Variants in UNC13B observed in about 807,000 individuals in gnomAD.
UNC13B encodes the protein unc-13 homolog B.
Under a neutral mutation model 211.0 loss-of-function variants are expected in UNC13B, and 144 were observed. The ratio of observed to expected loss-of-function variants is 0.68; its 90% confidence interval spans 0.60 to 0.78. The LOEUF (loss-of-function observed/expected upper bound fraction) is 0.78. UNC13B is among the 30% of genes least tolerant of loss of function. The pLI is 0.00. For synonymous variants in UNC13B, 709 were observed against 725.8 expected, an observed-to-expected ratio of 0.98 and a Z score of 0.37; for missense variants, 1,777 against 2,002.0, an observed-to-expected ratio of 0.89 and a Z score of 2.14.
intron 6 of UNC13B, among the ~76,000 whole-genome samples, chr9:35,248,342 T>C (rs1162043975): frequency 6.6e-6 from 1 of 152,222 alleles, no homozygotes; most frequent in African/African-American, 2.4e-5. Flanking sequence ...GGGTTTTTTG[T>C]GTCTCTATGT....
In UNC13B at chr9:35,398,303, T is replaced by G. The variant is rs1489982286; in HGVS notation, c.11832+15T>G. ...GAGGCAAGGAGGTAGGTCTTAGGGTTTGGGAGTCACTGTATTTTCCCTTTA... is the reference window on the plus strand; with the variant it reads ...GAGGCAAGGAGGTAGGTCTTAGGGTGTGGGAGTCACTGTATTTTCCCTTTA... On this transcript the variant is annotated intron_variant, in intron 31 of 39. Coordinates refer to ENST00000635942, the MANE Select transcript of UNC13B (RefSeq NM_001371189.2). 3.7e-6 allele frequency: 6 copies of G among 1,610,802 alleles called. No individual in the cohort carries two copies. The highest frequency in any genetic ancestry group is 1.7e-5 in the Admixed American group (1 of 59,834).
chr9:35,324,950 A>T (rs1012859843), intron 11 of UNC13B, among the ~76,000 whole-genome samples: 1 of 152,170 alleles, frequency 6.6e-6, no homozygotes, highest in African/African-American at 2.4e-5. Context: ...AGCTTGTCCC[A>T]ATCAAAAGAC....
rs757844273 is a variant in UNC13B at position 35,313,989 on chromosome 9, G to A, written c.9414G>A (p.Glu3138=). The A allele has an allele frequency of 1.2e-6, 2 of 1,612,942 alleles. No homozygotes were observed. Among genetic ancestry groups the A allele is most frequent in the South Asian group, 2.2e-5 (2 of 91,054 alleles). The change falls in exon 11 of 40, where the codon GAG becomes GAA. Residue 3138 remains glutamate, a splice_region_variant and synonymous_variant. Coordinates refer to ENST00000635942, the MANE Select transcript of UNC13B (RefSeq NM_001371189.2). ...CCAAGGTTCGACTCCAGCTGCAGGA[G>A]GTAGGAAATCTGTTCTAGTACTGGT... ...AVTKVRLQLQ[E]IPDDGDPSLP...
At chr9:35,181,192 CT>C (rs1821919943) in intron 1 of UNC13B, among the ~76,000 whole-genome samples, 1 of 152,118 alleles carries the variant, frequency 6.6e-6, no homozygotes, top group African/African-American at 2.4e-5. Context: ...AAAAAATTTT[CT>C]CTAGTGCCTT....
chr9:35,352,638 A>G, intron 11 of UNC13B: 1 of 1,232,150 alleles, frequency 8.1e-7, no homozygotes, highest in African/African-American at 1.5e-5. Context: ...GCCCCTGAGC[A>G]GCAAGGCCCT....
chr9:35,255,745 A>G (rs1290533872), intron 6 of UNC13B, among the ~76,000 whole-genome samples: 2 of 152,016 alleles, frequency 1.3e-5, no homozygotes, highest in Non-Finnish European at 2.9e-5. Flanking sequence ...TATAATAGTG[A>G]TGTTATTCCC....
Position 35,403,744 on chromosome 9 carries a change from A to C in UNC13B, c.12738-4A>C. 2.5e-6 allele frequency: 4 copies of C among 1,613,946 alleles called. No individual in the cohort carries two copies. The highest frequency in any genetic ancestry group is 3.4e-6 in the Non-Finnish European group (4 of 1,179,888). ...GCCTCATAACTTCTATCTTGTGCTC[A>C]CAGCCTCCTGGGAAATGAGGAGGGG... On this transcript the variant is annotated splice_polypyrimidine_tract_variant and splice_region_variant and intron_variant, in intron 39 of 39. Transcript: ENST00000635942.
At chr9:35,237,487 A>G (rs372373558) in intron 4 of UNC13B, among the ~76,000 whole-genome samples, 22 of 152,316 alleles carry the variant, frequency 1.4e-4, no homozygotes, top group African/African-American at 5.3e-4. Flanking sequence ...TTAGACCTGC[A>G]GAGCTGAGCA....
At chr9:35,364,777 T>C (rs1587705160) in intron 11 of UNC13B, among the ~76,000 whole-genome samples, 1 of 152,290 alleles carries the variant, frequency 6.6e-6, no homozygotes, top group South Asian at 2.1e-4. Context: ...CCTGCAGATA[T>C]CCCTGGAGCA....
chr9:35,378,280 A>C lies in UNC13B; in HGVS notation c.10064-15A>C. 1 of 1,614,110 alleles carries C rather than the reference A, an allele frequency of 6.2e-7. No homozygotes were observed. Among genetic ancestry groups the C allele is most frequent in the South Asian group, 1.1e-5 (1 of 91,080 alleles). Reference sequence around the variant, plus strand: ...TGAACGACTCTGAAGCCTCCTATACATGCTTGGGTTGCAGTGGTGTGTGCC... The same window carrying C: ...TGAACGACTCTGAAGCCTCCTATACCTGCTTGGGTTGCAGTGGTGTGTGCC... On this transcript the variant is annotated splice_polypyrimidine_tract_variant and intron_variant, in intron 16 of 39. Coordinates refer to ENST00000635942, the MANE Select transcript of UNC13B (RefSeq NM_001371189.2).
chr9:35,298,809 G>A (rs1364608435), intron 8 of UNC13B, among the ~76,000 whole-genome samples: 1 of 152,138 alleles, frequency 6.6e-6, no homozygotes, highest in Non-Finnish European at 1.5e-5. Flanking sequence ...GAAAGTTCAG[G>A]CTATCTTCAG....
At chr9:35,363,764 C>T (rs1833585259) in intron 11 of UNC13B, among the ~76,000 whole-genome samples, 1 of 152,176 alleles carries the variant, frequency 6.6e-6, no homozygotes. Context: ...GGAGTAATCT[C>T]TGGGCTTTAT....
chr9:35,268,759 CTT>C (rs1827715585), intron 7 of UNC13B, among the ~76,000 whole-genome samples: 1 of 152,152 alleles, frequency 6.6e-6, no homozygotes, highest in Admixed American at 6.5e-5. Context: ...TTCCAGATCT[CTT>C]TGTTGCAAAG....
At chr9:35,172,728 G>GAAA (rs1249281695) in intron 1 of UNC13B, among the ~76,000 whole-genome samples, 1 of 152,116 alleles carries the variant, frequency 6.6e-6, no homozygotes, top group African/African-American at 2.4e-5. Context: ...GGGTGTGTGA[G>GAAA]AAAGGCCAAT....
chr9:35,269,235 G>C (rs1162468362), intron 7 of UNC13B, among the ~76,000 whole-genome samples: 2 of 152,162 alleles, frequency 1.3e-5, no homozygotes, highest in East Asian at 3.9e-4. Flanking sequence ...TAATTTGCTA[G>C]GATGGCTCAC....
In UNC13B at chr9:35,307,888, A is replaced by G. The variant is rs907797266; in HGVS notation, c.8484A>G (p.Leu2828=). The stretch of plus-strand genomic sequence containing the variant: ...GTAGTGAGGGGAAAGGGAGTGTATT[A>G]GCAAGTGATTCAAAACTAGGATTTG... The part of the protein sequence containing the change: ...EGSSEGKGSV[L]ASDSKLGFGK... The change falls in exon 9 of 40, where the codon TTA becomes TTG. Residue 2828 remains leucine (L), a synonymous_variant. Coordinates refer to ENST00000635942, the MANE Select transcript of UNC13B (RefSeq NM_001371189.2). 8 of 398,884 alleles carry G rather than the reference A, an allele frequency of 2.0e-5. No individual in the cohort carries two copies. Among genetic ancestry groups the G allele is most frequent in the African/African-American group, 1.4e-4 (7 of 48,628 alleles). The allele number at this position is 398,884 out of a possible 1,614,324, so 24.7% of individuals were successfully genotyped here.
chr9:35,237,425 T>C (rs1378691299), intron 4 of UNC13B, among the ~76,000 whole-genome samples: 1 of 152,142 alleles, frequency 6.6e-6, no homozygotes, highest in African/African-American at 2.4e-5. Flanking sequence ...TAAATATTGA[T>C]CCACAGAGGT....
At chr9:35,162,426 T>G (rs2131219841) in intron 1 of UNC13B, 121 bp downstream of exon 1, 11 of 1,297,424 alleles carry the variant, frequency 8.5e-6, no homozygotes, top group Non-Finnish European at 1.1e-5. Context: ...TTTGGGGGTC[T>G]ATTATTTTGG....
intron 1 of UNC13B, among the ~76,000 whole-genome samples, chr9:35,204,538 T>C (rs1327054143): frequency 1.3e-5 from 2 of 152,204 alleles, no homozygotes; most frequent in South Asian, 2.1e-4. Flanking sequence ...TCCAAGGCCT[T>C]GGGAGCCCAC....
Sources: allele counts gnomAD v4.1 joint callset (sites outside exome capture counted in the v4.1 genomes callset), GRCh38; gene constraint gnomAD v4.1.1; transcripts MANE v1.5; gene names NCBI Gene and HGNC (gene_info 2026-07-23, HGNC 2026-07-21).